The following NINL variants were observed in gnomAD, a reference collection of about 807,000 sequenced individuals.
NINL encodes the protein ninein like.
Under a neutral mutation model 160.3 loss-of-function variants are expected in NINL, and 153 were observed. The ratio of observed to expected loss-of-function variants is 0.95; its 90% confidence interval spans 0.84 to 1.09. NINL has a LOEUF of 1.09. NINL is among the 50% of genes least tolerant of loss of function. NINL has a pLI of 0.00. For missense variants in NINL, 1,829 were observed against 1,764.0 expected (o/e 1.04, Z -0.66); for synonymous variants, 800 against 734.8 (o/e 1.09, Z -1.43).
At chr20:25,558,013 C>A (rs6050680) in intron 1 of NINL, among the ~76,000 whole-genome samples, 1 of 150,082 alleles carries the variant, frequency 6.7e-6, no homozygotes, top group Non-Finnish European at 1.5e-5. Context: ...TGGTGGCATG[C>A]GCCTGTAATC....
chr20:25,562,236 C>T (rs1275169139), intron 1 of NINL, among the ~76,000 whole-genome samples: 7 of 121,080 alleles, frequency 5.8e-5, no homozygotes, highest in East Asian at 2.1e-4. Flanking sequence ...TCTGCCCGGC[C>T]GCCCCTACTG....
intron 3 of NINL, among the ~76,000 whole-genome samples, chr20:25,516,952 C>G (rs924244244): frequency 6.6e-6 from 1 of 152,138 alleles, no homozygotes; most frequent in Admixed American, 6.5e-5. Flanking sequence ...GAATGAATCT[C>G]TTCTCACCTG....
chr20:25,500,867 C>A lies in NINL; in HGVS notation c.1005G>T (p.Gly335=). 6.2e-7 allele frequency: 1 copy of A among 1,614,124 alleles called. No individual in the cohort carries two copies. The highest frequency in any genetic ancestry group is 8.5e-7 in the Non-Finnish European group (1 of 1,179,984). Residue 335 remains glycine (G), a synonymous_variant, in exon 8 of 24, where the codon GGG becomes GGT. Coordinates refer to ENST00000278886, the MANE Select transcript of NINL (RefSeq NM_025176.6). ...GCAAGATCTCCCTGCCATTCTGAAT[C>A]CCCTCCTGGGTCCACATGGCCAGGA... is the stretch of plus-strand genomic sequence containing the variant. The part of the protein sequence containing the change: ...DQVLAMWTQE[G]IQNGREILQS...
chr20:25,526,321 C>A, intron 2 of NINL, 87 bp downstream of exon 2: 2 of 1,208,848 alleles, frequency 1.7e-6, no homozygotes, highest in South Asian at 3.0e-5. Flanking sequence ...CACTTGAATC[C>A]TTATTCAGCT....
At chr20:25,557,075 ATT>A (rs1205290403) in intron 1 of NINL, among the ~76,000 whole-genome samples, 1 of 152,146 alleles carries the variant, frequency 6.6e-6, no homozygotes, top group African/African-American at 2.4e-5. Context: ...CTCTGCATGT[ATT>A]TTATTTTATA....
At chr20:25,515,981 T>A (rs972999307) in intron 3 of NINL, among the ~76,000 whole-genome samples, 1 of 152,126 alleles carries the variant, frequency 6.6e-6, no homozygotes, top group Non-Finnish European at 1.5e-5. Flanking sequence ...TTCACCATGT[T>A]ACCAGGATGG....
At chr20:25,530,636 T>G (rs888837614) in intron 1 of NINL, among the ~76,000 whole-genome samples, 2 of 152,034 alleles carry the variant, frequency 1.3e-5, no homozygotes, top group African/African-American at 4.8e-5. Flanking sequence ...AGAGAGAAAT[T>G]TTAAAGCTGG....
chr20:25,551,229 A>C (rs2064804418), intron 1 of NINL, among the ~76,000 whole-genome samples: 2 of 152,188 alleles, frequency 1.3e-5, no homozygotes, highest in Admixed American at 6.5e-5. Context: ...ACAGCATCTC[A>C]AGGCAGAAGA....
chr20:25,540,328 G>A (rs1029767452), intron 1 of NINL, among the ~76,000 whole-genome samples: 5 of 152,184 alleles, frequency 3.3e-5, no homozygotes, highest in South Asian at 4.1e-4. Context: ...ATCCAGAGGG[G>A]AAAAGCCTGT....
chr20:25,534,997 T>G (rs2064531325), intron 1 of NINL, among the ~76,000 whole-genome samples: 1 of 152,244 alleles, frequency 6.6e-6, no homozygotes, highest in Non-Finnish European at 1.5e-5. Context: ...ACATTTTTGA[T>G]TCATGGTTAG....
intron 5 of NINL, among the ~76,000 whole-genome samples, chr20:25,507,096 C>CT (rs2063976195): frequency 6.6e-6 from 1 of 152,176 alleles, no homozygotes. Context: ...TAGCCCATGC[C>CT]TTTTTAAAGA....
chr20:25,466,980 C>T (rs9808606), intron 19 of NINL, among the ~76,000 whole-genome samples: 12,137 of 152,196 alleles, frequency 0.08, 712 homozygotes, highest in South Asian at 0.19. Context: ...TGCTGGCGTG[C>T]GGCTCCCCAG....
At chr20:25,478,304 C>T (rs974589290) in intron 16 of NINL, among the ~76,000 whole-genome samples, 7 of 152,130 alleles carry the variant, frequency 4.6e-5, no homozygotes, top group East Asian at 1.9e-4. Flanking sequence ...TGGGAGGGCC[C>T]GTCCTCTTCT....
chr20:25,543,657 T>C (rs759055612), intron 1 of NINL, among the ~76,000 whole-genome samples: 1 of 152,220 alleles, frequency 6.6e-6, no homozygotes, highest in Non-Finnish European at 1.5e-5. Context: ...TCAGACTGAT[T>C]GTGGGTGGAG....
intron 8 of NINL, 67 bp downstream of exon 8, chr20:25,500,773 A>ATCC (rs2063851183): frequency 3.2e-6 from 5 of 1,552,090 alleles, no homozygotes; most frequent in African/African-American, 2.7e-5. Context: ...CGCTCCATCC[A>ATCC]TCCTCCTCTG....
At chr20:25,547,765 A>G (rs2064753267) in intron 1 of NINL, among the ~76,000 whole-genome samples, 1 of 152,204 alleles carries the variant, frequency 6.6e-6, no homozygotes, top group South Asian at 2.1e-4. Flanking sequence ...GGGCTTCAAC[A>G]TCCGAATTCT....
In NINL at chr20:25,453,424, G is replaced by A. The variant is rs371309830; in HGVS notation, c.*27C>T. The A allele has an allele frequency of 1.3e-6, 2 of 1,562,868 alleles. No individual in the cohort carries two copies. The highest frequency in any genetic ancestry group is 1.8e-5 in the Admixed American group (1 of 54,648). On this transcript the variant is annotated 3_prime_UTR_variant, in exon 24 of 24. Transcript: ENST00000278886. ...GGCTTAATTTAAAAGATGTGCTTTC[G>A]AATGAATCCTAGAAAATAATCTGTC...
Position 25,504,122 on chromosome 20 carries a change from T to C in NINL, c.709-18A>G. Reference sequence around the variant, plus strand: ...TCGAGTTCCTAAACAAAAGCCGTCATATCTCAGGCCCACCCACAAGAGCTC... The same window carrying C: ...TCGAGTTCCTAAACAAAAGCCGTCACATCTCAGGCCCACCCACAAGAGCTC... On this transcript the variant is annotated intron_variant, in intron 6 of 23. Transcript: ENST00000278886. 6.5e-7 allele frequency: 1 copy of C among 1,549,174 alleles called. No homozygotes were observed. Among genetic ancestry groups the C allele is most frequent in the South Asian group, 1.3e-5 (1 of 78,936 alleles).
chr20:25,493,867 C>T (rs1337759639), intron 10 of NINL, among the ~76,000 whole-genome samples: 2 of 152,130 alleles, frequency 1.3e-5, no homozygotes, highest in African/African-American at 2.4e-5. Context: ...AGGGCCCCAG[C>T]CACTGCCTGC....
Sources: gnomAD v4.1 joint callset for allele counts (sites outside exome capture counted in the v4.1 genomes callset) on GRCh38, gnomAD v4.1.1 for gene constraint, MANE v1.5 for transcripts, NCBI Gene and HGNC (gene_info 2026-07-23, HGNC 2026-07-21) for gene names.